The following OR10X1 variants were observed in gnomAD, a reference collection of about 807,000 sequenced individuals.
OR10X1 encodes olfactory receptor family 10 subfamily X member 1, also known as olfactory receptor 10X1.
For synonymous variants in OR10X1, 179 were observed against 142.6 expected (o/e 1.26, Z -1.82); for missense variants, 449 against 387.0 (o/e 1.16, Z -1.34).
Position 158,579,488 on chromosome 1 carries a change from G to A in OR10X1, c.412C>T (p.Arg138Cys), listed in dbSNP as rs747790868. 50 of 1,613,872 alleles carry A rather than the reference G, an allele frequency of 3.1e-5. No homozygotes were observed. The highest frequency in any genetic ancestry group is 2.3e-4 in the South Asian group (21 of 91,074). The part of the protein sequence containing the change: ...CIILTLMGYD[R>C]FLAICNPLRY... ...AGAGGGTTACAGATGGCCAGGAAGCGGTCATATCCCATCAAAGTGAGAATG... is the reference window on the plus strand; with the variant it reads ...AGAGGGTTACAGATGGCCAGGAAGCAGTCATATCCCATCAAAGTGAGAATG... The change falls in exon 1 of 1, where the codon CGC becomes TGC. Residue 138 changes from arginine to cysteine, a missense_variant. By Grantham distance (180) the Arg-to-Cys change is radical (BLOSUM62 -3). Coordinates refer to ENST00000623167, the MANE Select transcript of OR10X1 (RefSeq NM_001004477.1).
At position 158,579,154 on chromosome 1, in the gene OR10X1, C is replaced by T. The variant is rs754623784; in HGVS notation, c.746G>A (p.Gly249Asp). 3.1e-6 allele frequency: 5 copies of T among 1,613,682 alleles called. No individual in the cohort carries two copies. The highest frequency in any genetic ancestry group is 1.7e-5 in the Admixed American group (1 of 59,948). ...STVLRIPSAE[G>D]KQKAFTTCAS... ...ACAGGTGGTGAAGGCCTTCTGCTTG[C>T]CCTCAGCTGAAGGGATCCTGAGGAC... The change falls in exon 1 of 1, where the codon GGC becomes GAC. Residue 249 changes from glycine to aspartate, a missense_variant. Transcript: ENST00000623167.
In OR10X1 at chr1:158,579,013, G is replaced by C. The variant is rs143251974; in HGVS notation, c.887C>G (p.Pro296Arg). The change falls in exon 1 of 1, where the codon CCC (proline) becomes CGC (arginine). Residue 296 changes from proline to arginine, a missense_variant. Physicochemically the swap from Pro to Arg is moderately radical, Grantham distance 103 (BLOSUM62 -2). Coordinates refer to ENST00000623167, the MANE Select transcript of OR10X1 (RefSeq NM_001004477.1). ...LIAVPYTVIT[P>R]FLSPIIFSLR... is the part of the protein sequence containing the mutation. ...GCTGAATATGATGGGGCTGAGGAAG[G>C]GGGTAATGACAGTATAAGGGACTGC... The C allele has an allele frequency of 1.4e-4, 233 of 1,613,708 alleles. No individual in the cohort carries two copies. The highest frequency in any genetic ancestry group is 1.9e-4 in the Non-Finnish European group (220 of 1,179,846).
At position 158,579,371 on chromosome 1, in the gene OR10X1, C is replaced by A. The variant is rs375044963; in HGVS notation, c.529G>T (p.Ala177Ser). The A allele has an allele frequency of 1.2e-6, 2 of 1,613,776 alleles. No individual in the cohort carries two copies. Among genetic ancestry groups the A allele is most frequent in the African/African-American group, 2.7e-5 (2 of 74,862 alleles). The change falls in exon 1 of 1, where the codon GCA becomes TCA. Residue 177 changes from alanine (A) to serine (S), a missense_variant. Coordinates refer to ENST00000623167, the MANE Select transcript of OR10X1 (RefSeq NM_001004477.1). ...AGFFISLTET[A>S]LIFRDSFCRP... ...CAGAAAGAGTCCCTGAATATCAGTG[C>A]AGTCTCTGTAAGAGAGATAAAGAAG...
At position 158,579,168 on chromosome 1, in the gene OR10X1, G is replaced by C. The variant is rs777793925; in HGVS notation, c.732C>G (p.Ile244Met). The C allele has an allele frequency of 1.2e-6, 2 of 1,613,968 alleles. No homozygotes were observed. Among genetic ancestry groups the C allele is most frequent in the South Asian group, 1.1e-5 (1 of 91,066 alleles). Residue 244 changes from isoleucine to methionine, a missense_variant, in exon 1 of 1, where the codon ATC (isoleucine) becomes ATG (methionine). Transcript: ENST00000623167. ...CCTTCTGCTTGCCCTCAGCTGAAGGGATCCTGAGGACAGTAGAAATAATGA... is the reference window on the plus strand; with the variant it reads ...CCTTCTGCTTGCCCTCAGCTGAAGGCATCCTGAGGACAGTAGAAATAATGA... Reference protein sequence around the residue: ...DVFIISTVLRIPSAEGKQKAF... With the variant: ...DVFIISTVLRMPSAEGKQKAF...
rs754922756 is a variant in OR10X1, at chr1:158,579,786, A to T, written c.114T>A (p.His38Gln). 1.2e-6 allele frequency: 2 copies of T among 1,614,098 alleles called. No individual in the cohort carries two copies. The highest frequency in any genetic ancestry group is 3.3e-5 in the Admixed American group (2 of 60,004). ...FILVGFSVYPHVQTFLFVVFF... is the reference protein window; with the variant it reads ...FILVGFSVYPQVQTFLFVVFF... Reference sequence around the variant, plus strand: ...AGACCACAAAAAGAAATGTCTGTACATGTGGGTACACAGAAAAGCCAACAA... The same window carrying T: ...AGACCACAAAAAGAAATGTCTGTACTTGTGGGTACACAGAAAAGCCAACAA... Residue 38 changes from histidine to glutamine, a missense_variant, in exon 1 of 1, where the codon CAT becomes CAA. Coordinates refer to ENST00000623167, the MANE Select transcript of OR10X1 (RefSeq NM_001004477.1).
rs747169901 is a variant in OR10X1, at chr1:158,579,114, G to T, written c.786C>A (p.Thr262=). 30 of 1,613,884 alleles carry T rather than the reference G, an allele frequency of 1.9e-5. No individual in the cohort carries two copies. The highest frequency in any genetic ancestry group is 2.5e-5 in the Non-Finnish European group (29 of 1,179,958). Residue 262 remains threonine (T), a synonymous_variant, in exon 1 of 1, where the codon ACC becomes ACA. Transcript: ENST00000623167. The part of the protein sequence containing the change: ...KAFTTCASHL[T]VVIIHFGFAS... Reference sequence around the variant, plus strand: ...CAAAACCAAAGTGGATTATAACCACGGTGAGGTGGGAGGCACAGGTGGTGA... The same window carrying T: ...CAAAACCAAAGTGGATTATAACCACTGTGAGGTGGGAGGCACAGGTGGTGA...
At position 158,579,266 on chromosome 1, in the gene OR10X1, C is replaced by T; in HGVS notation, c.634G>A (p.Glu212Lys). The T allele has an allele frequency of 6.2e-7, 1 of 1,613,848 alleles. No individual in the cohort carries two copies. Among genetic ancestry groups the T allele is most frequent in the Admixed American group, 1.7e-5 (1 of 59,984 alleles). ...RLSCIDSNHT[E>K]FIITLISVSG... is the part of the protein sequence containing the mutation. Reference sequence around the variant, plus strand: ...ACTGAGATCAGTGTTATAATGAATTCTGTGTGGTTACTGTCTATACAAGAC... The same window carrying T: ...ACTGAGATCAGTGTTATAATGAATTTTGTGTGGTTACTGTCTATACAAGAC... The change falls in exon 1 of 1, where the codon GAA (glutamate) becomes AAA (lysine). Residue 212 changes from glutamate to lysine, a missense_variant. Coordinates refer to ENST00000623167, the MANE Select transcript of OR10X1 (RefSeq NM_001004477.1).
At position 158,579,833 on chromosome 1, in the gene OR10X1, T is replaced by C. The variant is rs1335766368; in HGVS notation, c.67A>G (p.Thr23Ala). Reference protein sequence around the residue: ...SDIQTMKINQTILKEFILVGF... With the variant: ...SDIQTMKINQAILKEFILVGF... ...ACAAGAATGAATTCCTTCAGGATTGTCTGGTTGATCTTCATCGTTTGAATG... is the reference window on the plus strand; with the variant it reads ...ACAAGAATGAATTCCTTCAGGATTGCCTGGTTGATCTTCATCGTTTGAATG... Residue 23 changes from threonine (T) to alanine (A), a missense_variant, in exon 1 of 1, where the codon ACA becomes GCA. By Grantham distance (58) the Thr-to-Ala change is moderately conservative (BLOSUM62 0). Transcript: ENST00000623167. The C allele has an allele frequency of 1.9e-5, 31 of 1,610,510 alleles. No individual in the cohort carries two copies. The Admixed American group carries it at 5.2e-4, about 27-fold the overall frequency.
chr1:158,579,198 A>C lies in OR10X1; in HGVS notation c.702T>G (p.Asp234Glu), dbSNP rs1444893366. The change falls in exon 1 of 1, where the codon GAT (aspartate) becomes GAG (glutamate). Residue 234 changes from aspartate to glutamate, a missense_variant. By Grantham distance (45) the Asp-to-Glu change is conservative. Transcript: ENST00000623167. ...LGTLLLIILT[D>E]VFIISTVLRI... is the part of the protein sequence containing the mutation. ...TGAGGACAGTAGAAATAATGAAGAC[A>C]TCAGTCAGGATGATGAGCAGAAGGG... 6.2e-7 allele frequency: 1 copy of C among 1,613,982 alleles called. No individual in the cohort carries two copies. The highest frequency in any genetic ancestry group is 1.7e-5 in the Admixed American group (1 of 59,994).
At position 158,579,862 on chromosome 1, in the gene OR10X1, G is replaced by T; in HGVS notation, c.38C>A (p.Ser13Ter). Residue 13 changes from serine (S) to a stop codon, truncating the protein, a stop_gained, in exon 1 of 1, where the codon TCA (serine) becomes TAA (stop). Transcript: ENST00000623167. LOFTEE classifies it low-confidence loss of function (END_TRUNC). Reference sequence around the variant, plus strand: ...GTTGATCTTCATCGTTTGAATGTCTGAAATTTGAAAGAAACAACAATAAAC... The same window carrying T: ...GTTGATCTTCATCGTTTGAATGTCTTAAATTTGAAAGAAACAACAATAAAC... ...LNVYCCFFQI[S>*]DIQTMKINQT... 6.3e-7 allele frequency: 1 copy of T among 1,598,884 alleles called. No individual in the cohort carries two copies. Among genetic ancestry groups the T allele is most frequent in the South Asian group, 1.1e-5 (1 of 87,480 alleles).
rs1162530430 is a variant in OR10X1 at position 158,579,856 on chromosome 1, A to G, written c.44T>C (p.Ile15Thr). 4 of 1,601,126 alleles carry G rather than the reference A, an allele frequency of 2.5e-6. No individual in the cohort carries two copies. Among genetic ancestry groups the G allele is most frequent in the Non-Finnish European group, 3.4e-6 (4 of 1,176,536 alleles). The change falls in exon 1 of 1, where the codon ATT becomes ACT. Residue 15 changes from isoleucine to threonine, a missense_variant. Physicochemically the swap from Ile to Thr is moderately conservative, Grantham distance 89. Transcript: ENST00000623167. The stretch of plus-strand genomic sequence containing the variant: ...TGTCTGGTTGATCTTCATCGTTTGA[A>G]TGTCTGAAATTTGAAAGAAACAACA... ...VYCCFFQISDIQTMKINQTIL... is the reference protein window; with the variant it reads ...VYCCFFQISDTQTMKINQTIL...
Position 158,579,473 on chromosome 1 carries a change from A to G in OR10X1, c.427T>C (p.Cys143Arg), listed in dbSNP as rs758799227. 6 of 1,613,990 alleles carry G rather than the reference A, an allele frequency of 3.7e-6. No homozygotes were observed. The highest frequency in any genetic ancestry group is 1.7e-5 in the Admixed American group (1 of 59,996). ...LMGYDRFLAI[C>R]NPLRYPLLMT... ...AGCAGTGGATATCTTAGAGGGTTAC[A>G]GATGGCCAGGAAGCGGTCATATCCC... The change falls in exon 1 of 1, where the codon TGT becomes CGT. Residue 143 changes from cysteine (C) to arginine (R), a missense_variant. Transcript: ENST00000623167.
In OR10X1 at chr1:158,579,226, C is replaced by G. The variant is rs1648416574; in HGVS notation, c.674G>C (p.Gly225Ala). Residue 225 changes from glycine (G) to alanine (A), a missense_variant, in exon 1 of 1, where the codon GGT (glycine) becomes GCT (alanine). Transcript: ENST00000623167. ...ITLISVSGLL[G>A]TLLLIILTDV... The stretch of plus-strand genomic sequence containing the variant: ...AGTCAGGATGATGAGCAGAAGGGTA[C>G]CCAGCAAACCAGACACTGAGATCAG... 2 of 1,613,682 alleles carry G rather than the reference C, an allele frequency of 1.2e-6. No individual in the cohort carries two copies. Among genetic ancestry groups the G allele is most frequent in the South Asian group, 2.2e-5 (2 of 91,056 alleles).
chr1:158,579,670 A>C lies in OR10X1; in HGVS notation c.230T>G (p.Leu77Arg). Residue 77 changes from leucine (L) to arginine (R), a missense_variant, in exon 1 of 1, where the codon CTC becomes CGC. Physicochemically the swap from Leu to Arg is moderately radical, Grantham distance 102. Coordinates refer to ENST00000623167, the MANE Select transcript of OR10X1 (RefSeq NM_001004477.1). Reference protein sequence around the residue: ...VDRSLHTPMYLFLSALSFSET... With the variant: ...VDRSLHTPMYRFLSALSFSET... ...AGAGAAGGAGAGTGCACTAAGGAAG[A>C]GATACATAGGGGTGTGGAGGGACCT... is the stretch of plus-strand genomic sequence containing the variant. The C allele has an allele frequency of 6.2e-7, 1 of 1,614,034 alleles. No homozygotes were observed. The highest frequency in any genetic ancestry group is 8.5e-7 in the Non-Finnish European group (1 of 1,179,944).
In OR10X1 at chr1:158,579,895, A is replaced by T. The variant is rs1186169906; in HGVS notation, c.5T>A (p.Val2Glu). 1 of 1,571,248 alleles carries T rather than the reference A, an allele frequency of 6.4e-7. No homozygotes were observed. Among genetic ancestry groups the T allele is most frequent in the Non-Finnish European group, 8.6e-7 (1 of 1,163,846 alleles). Residue 2 changes from valine (V) to glutamate (E), a missense_variant, in exon 1 of 1, where the codon GTG becomes GAG. Transcript: ENST00000623167. ...AAAGAAACAACAATAAACATTCAAC[A>T]CCATTATCTTTTGATACCATCAAAG... M[V>E]LNVYCCFFQI...
chr1:158,579,533 G>A lies in OR10X1; in HGVS notation c.367C>T (p.Leu123Phe), dbSNP rs1648427670. The A allele has an allele frequency of 1.2e-6, 2 of 1,613,938 alleles. No homozygotes were observed. The highest frequency in any genetic ancestry group is 1.7e-6 in the Non-Finnish European group (2 of 1,180,000). ...AGAATGATACAGTTTGTGCCACCAA[G>A]TCCCAAGAAGAAGCACATCTGTAAG... is the stretch of plus-strand genomic sequence containing the variant. ...CSLQMCFFLG[L>F]GGTNCIILTL... Residue 123 changes from leucine to phenylalanine, a missense_variant, in exon 1 of 1, where the codon CTT becomes TTT. Coordinates refer to ENST00000623167, the MANE Select transcript of OR10X1 (RefSeq NM_001004477.1).
Position 158,579,673 on chromosome 1 carries a change from T to A in OR10X1, c.227A>T (p.Tyr76Phe), listed in dbSNP as rs768373727. ...GAAGGAGAGTGCACTAAGGAAGAGA[T>A]ACATAGGGGTGTGGAGGGACCTGTC... ...WVDRSLHTPM[Y>F]LFLSALSFSE... Residue 76 changes from tyrosine (Y) to phenylalanine (F), a missense_variant, in exon 1 of 1, where the codon TAT (tyrosine) becomes TTT (phenylalanine). Physicochemically the swap from Tyr to Phe is conservative, Grantham distance 22. Coordinates refer to ENST00000623167, the MANE Select transcript of OR10X1 (RefSeq NM_001004477.1). 14 of 1,613,938 alleles carry A rather than the reference T, an allele frequency of 8.7e-6. No individual in the cohort carries two copies. The highest frequency in any genetic ancestry group is 1.2e-5 in the Non-Finnish European group (14 of 1,179,910).
chr1:158,579,857 T>A lies in OR10X1; in HGVS notation c.43A>T (p.Ile15Phe), dbSNP rs1424964780. 8.1e-6 allele frequency: 13 copies of A among 1,600,412 alleles called. No individual in the cohort carries two copies. Among genetic ancestry groups the A allele is most frequent in the African/African-American group, 2.7e-5 (2 of 73,990 alleles). Reference sequence around the variant, plus strand: ...GTCTGGTTGATCTTCATCGTTTGAATGTCTGAAATTTGAAAGAAACAACAA... The same window carrying A: ...GTCTGGTTGATCTTCATCGTTTGAAAGTCTGAAATTTGAAAGAAACAACAA... ...VYCCFFQISD[I>F]QTMKINQTIL... The change falls in exon 1 of 1, where the codon ATT (isoleucine) becomes TTT (phenylalanine). Residue 15 changes from isoleucine (I) to phenylalanine (F), a missense_variant. By Grantham distance (21) the Ile-to-Phe change is conservative. Coordinates refer to ENST00000623167, the MANE Select transcript of OR10X1 (RefSeq NM_001004477.1).
At position 158,579,665 on chromosome 1, in the gene OR10X1, GGAAGA is replaced by G; in HGVS notation, c.230_234del (p.Leu77ProfsTer2). The G allele has an allele frequency of 6.2e-7, 1 of 1,614,014 alleles. No homozygotes were observed. The highest frequency in any genetic ancestry group is 8.5e-7 in the Non-Finnish European group (1 of 1,179,934). ...GTCTCAGAGAAGGAGAGTGCACTAA[GGAAGA>G]GATACATAGGGGTGTGGAGGGACCT... On this transcript the variant is annotated frameshift_variant, in exon 1 of 1. Transcript: ENST00000623167. LOFTEE classifies it low-confidence loss of function (END_TRUNC).
Sources: allele counts gnomAD v4.1 joint callset, GRCh38; gene constraint gnomAD v4.1.1; transcripts MANE v1.5; gene names NCBI Gene and HGNC (gene_info 2026-07-23, HGNC 2026-07-21).